The following CTDSPL2 variants were observed in gnomAD, a reference collection of about 807,000 sequenced individuals.
CTDSPL2 encodes the protein CTD small phosphatase-like protein 2.
CTDSPL2 carries 5 observed loss-of-function variants against 60.0 expected under a neutral mutation model. The observed-to-expected ratio is 0.08, with a 90% CI of 0.04 to 0.18. The LOEUF is 0.18. Ranked by LOEUF, CTDSPL2 falls within the 10% of genes least tolerant of loss-of-function variation. The pLI is 1.00. For synonymous variants in CTDSPL2, 186 were observed against 189.3 expected, an observed-to-expected ratio of 0.98 and a Z score of 0.14; for missense variants, 370 against 548.8, an observed-to-expected ratio of 0.67 and a Z score of 3.26.
chr15:44,449,676 G>A (rs371782691), intron 1 of CTDSPL2, among the ~76,000 whole-genome samples: 66 of 151,908 alleles, frequency 4.3e-4, no homozygotes, highest in East Asian at 1.6e-3. Context: ...CGTTTAAGGC[G>A]AAACACCATT....
chr15:44,508,224 G>A (rs942536958), intron 8 of CTDSPL2, among the ~76,000 whole-genome samples: 4 of 151,704 alleles, frequency 2.6e-5, no homozygotes, highest in South Asian at 2.1e-4. Context: ...CCGGGACTAC[G>A]GGCGAGTGCC....
chr15:44,483,346 T>TA (rs1170554034), intron 2 of CTDSPL2, among the ~76,000 whole-genome samples: 1 of 151,558 alleles, frequency 6.6e-6, no homozygotes, highest in African/African-American at 2.4e-5. Context: ...CACAGTGGCT[T>TA]ACGCCTGTAA....
chr15:44,474,498 T>C (rs1445296024), intron 2 of CTDSPL2, among the ~76,000 whole-genome samples: 1 of 151,818 alleles, frequency 6.6e-6, no homozygotes, highest in African/African-American at 2.4e-5. Context: ...GTCTTTGTTT[T>C]AAAAAAGAAG....
At chr15:44,470,815 A>G (rs772691490) in intron 2 of CTDSPL2, among the ~76,000 whole-genome samples, 10 of 152,168 alleles carry the variant, frequency 6.6e-5, no homozygotes, top group East Asian at 1.9e-4. Context: ...AAAGTCTTCT[A>G]TCTTACTATG....
intron 8 of CTDSPL2, among the ~76,000 whole-genome samples, chr15:44,502,714 A>G (rs1390397574): frequency 6.6e-6 from 1 of 152,238 alleles, no homozygotes; most frequent in African/African-American, 2.4e-5. Flanking sequence ...ACATATTCAA[A>G]TTGTAAGTAG....
chr15:44,479,471 G>A (rs78533044), intron 2 of CTDSPL2, among the ~76,000 whole-genome samples: 13,871 of 144,106 alleles, frequency 0.096, 1,400 homozygotes, highest in African/African-American at 0.24. Context: ...CAGTGGCATG[G>A]TCATGGCTCA....
chr15:44,519,145 ATTTGTT>A lies in CTDSPL2; in HGVS notation c.1113-20_1113-15del, dbSNP rs1283663730. The A allele has an allele frequency of 4.2e-6, 6 of 1,428,738 alleles. No individual in the cohort carries two copies. Among genetic ancestry groups the A allele is most frequent in the African/African-American group, 1.5e-5 (1 of 66,694 alleles). 88.5% of individuals were successfully genotyped at this position (1,428,738 alleles called of 1,614,324 possible). A position where few individuals can be genotyped will look rare whatever the true frequency, so the allele number is the denominator to read the frequency against. On this transcript the variant is annotated intron_variant, in intron 10 of 12. Transcript: ENST00000260327. The stretch of plus-strand genomic sequence containing the variant: ...CTTTTTAGAAAGTTTTTTTTTTTTA[ATTTGTT>A]TTTATTTTTATGTTTAGGCACCGGC...
At chr15:44,496,125 A>G (rs1424879268) in intron 5 of CTDSPL2, among the ~76,000 whole-genome samples, 1 of 152,222 alleles carries the variant, frequency 6.6e-6, no homozygotes, top group East Asian at 1.9e-4. Context: ...AATAAGTAGT[A>G]GATTTTTTCT....
At chr15:44,500,795 T>A (rs539121741) in intron 8 of CTDSPL2, among the ~76,000 whole-genome samples, 1 of 152,328 alleles carries the variant, frequency 6.6e-6, no homozygotes, top group East Asian at 1.9e-4. Context: ...TAACCTACTT[T>A]GTCTAGTAAT....
intron 2 of CTDSPL2, among the ~76,000 whole-genome samples, chr15:44,472,637 A>C (rs1236608254): frequency 6.6e-6 from 1 of 151,302 alleles, no homozygotes; most frequent in Non-Finnish European, 1.5e-5. Flanking sequence ...AGCTGAGACT[A>C]CAGGCATGTG....
rs185958587 is a variant in CTDSPL2, at chr15:44,478,164, G to C, written c.187-6060G>C. Among the ~76,000 whole-genome samples the C allele has an allele frequency of 4.3e-4, 66 of 151,854 alleles. 1 individual carries two copies. Among genetic ancestry groups the C allele is most frequent in the African/African-American group, 1.5e-3 (63 of 41,432 alleles). ...GTGAATTCCTTGGAAAAGATTGGTG[G>C]GGCTGAGCATGGTGGCTGATGCCTG... is the stretch of plus-strand genomic sequence containing the variant. On this transcript the variant is annotated intron_variant, in intron 2 of 12. Transcript: ENST00000260327.
intron 1 of CTDSPL2, among the ~76,000 whole-genome samples, chr15:44,438,792 G>T (rs1387028715): frequency 6.6e-6 from 1 of 152,138 alleles, no homozygotes; most frequent in Non-Finnish European, 1.5e-5. Context: ...ATGAACATTT[G>T]AAAGAGGCTC....
chr15:44,497,470 A>G (rs1300400923), intron 7 of CTDSPL2, among the ~76,000 whole-genome samples: 2 of 152,080 alleles, frequency 1.3e-5, no homozygotes, highest in East Asian at 1.9e-4. Flanking sequence ...GGTTTACACA[A>G]TTCTCCTGCC....
chr15:44,461,741 AAG>A (rs1468792054), intron 2 of CTDSPL2, among the ~76,000 whole-genome samples: 7 of 152,126 alleles, frequency 4.6e-5, no homozygotes, highest in Non-Finnish European at 8.8e-5. Context: ...GCTAGAAAAA[AAG>A]AAAATGTTAT....
intron 12 of CTDSPL2, among the ~76,000 whole-genome samples, chr15:44,522,983 A>G (rs1255533235): frequency 2.6e-5 from 4 of 151,928 alleles, no homozygotes; most frequent in Middle Eastern, 3.2e-3. Flanking sequence ...GTGCACACCT[A>G]TTTAATCCCA....
At chr15:44,436,158 CAA>C (rs1415462230) in intron 1 of CTDSPL2, among the ~76,000 whole-genome samples, 1 of 152,064 alleles carries the variant, frequency 6.6e-6, no homozygotes, top group Non-Finnish European at 1.5e-5. Context: ...CATTTGGTGT[CAA>C]AGAGGGCAAT....
chr15:44,439,399 C>T (rs965173491), intron 1 of CTDSPL2, among the ~76,000 whole-genome samples: 4 of 151,936 alleles, frequency 2.6e-5, no homozygotes, highest in South Asian at 2.1e-4. Flanking sequence ...TGCCTGCCCC[C>T]CCATCCCCAG....
At chr15:44,440,600 A>T (rs767557289) in intron 1 of CTDSPL2, among the ~76,000 whole-genome samples, 3 of 151,648 alleles carry the variant, frequency 2.0e-5, no homozygotes, top group Non-Finnish European at 1.5e-5. Context: ...TTTTCCTCAA[A>T]CTGCTGAAGG....
intron 1 of CTDSPL2, among the ~76,000 whole-genome samples, chr15:44,451,879 A>G (rs1397092241): frequency 6.6e-6 from 1 of 152,172 alleles, no homozygotes; most frequent in Non-Finnish European, 1.5e-5. Context: ...ACCTCCCTAT[A>G]TATTTGCATA....
Sources: allele counts gnomAD v4.1 joint callset (sites outside exome capture counted in the v4.1 genomes callset), GRCh38; gene constraint gnomAD v4.1.1; transcripts MANE v1.5; gene names NCBI Gene and HGNC (gene_info 2026-07-23, HGNC 2026-07-21).